Variants in PTPN20 observed in about 807,000 individuals in gnomAD.
PTPN20 encodes the protein protein tyrosine phosphatase non-receptor type 20.
PTPN20 carries 9 observed loss-of-function variants against 35.0 expected under a neutral mutation model. The ratio of observed to expected loss-of-function variants is 0.26; its 90% CI spans 0.15 to 0.45. PTPN20 has a LOEUF of 0.45. PTPN20 is among the 20% of genes least tolerant of loss of function. PTPN20 has a pLI of 1.00. For missense variants in PTPN20, 111 were observed against 312.5 expected, an observed-to-expected ratio of 0.36 and a Z score of 4.86; for synonymous variants, 32 against 100.2, an observed-to-expected ratio of 0.32 and a Z score of 4.06.
intron 9 of PTPN20, among the ~76,000 whole-genome samples, chr10:46,993,932 G>A (rs1324657558): frequency 1.3e-5 from 2 of 152,054 alleles, no homozygotes; most frequent in Non-Finnish European, 2.9e-5. Context: ...GTGGTTTTTT[G>A]TATTTTTTTA....
At chr10:46,993,207 A>T (rs2058340782) in intron 9 of PTPN20, among the ~76,000 whole-genome samples, 2 of 152,294 alleles carry the variant, frequency 1.3e-5, no homozygotes, top group African/African-American at 4.8e-5. Context: ...GGTAGCGATG[A>T]TCCCCTGCCA....
At chr10:46,947,370 T>C (rs1456547352) in intron 5 of PTPN20, among the ~76,000 whole-genome samples, 8 of 150,996 alleles carry the variant, frequency 5.3e-5, no homozygotes, top group African/African-American at 2.0e-4. Context: ...ATGACTTTAT[T>C]TGAAAAATGT....
chr10:46,932,281 T>C, intron 1 of PTPN20, 96 bp from the exon 2 acceptor site: 1 of 1,456,562 alleles, frequency 6.9e-7, no homozygotes. Flanking sequence ...AAAATTGCAG[T>C]TTTAAATATT....
chr10:46,977,289 C>G (rs1190087304), intron 7 of PTPN20, among the ~76,000 whole-genome samples: 47 of 152,378 alleles, frequency 3.1e-4, no homozygotes, highest in Non-Finnish European at 6.5e-4. Context: ...CTTGCCAGTC[C>G]CCACAATCAT....
chr10:46,937,953 T>C (rs1332508034), intron 2 of PTPN20, among the ~76,000 whole-genome samples: 1 of 146,722 alleles, frequency 6.8e-6, no homozygotes, highest in Non-Finnish European at 1.5e-5. Context: ...TTCTTTTCTT[T>C]TTTTTTTTTT....
chr10:46,938,229 G>A (rs1415729276), intron 2 of PTPN20, among the ~76,000 whole-genome samples: 13 of 143,660 alleles, frequency 9.0e-5, no homozygotes, highest in East Asian at 2.2e-4. Context: ...GATTACAGGC[G>A]TGAGCCACCA....
At chr10:47,002,350 G>A (rs2060113372), downstream of PTPN20, 1 of 151,954 alleles carries the variant, frequency 6.6e-6, no homozygotes, top group Admixed American at 6.6e-5. Flanking sequence ...ATTTATCTGG[G>A]CCTTGAAATC....
chr10:46,932,062 T>TTGTGTGTGTGTGTG (rs71023200), intron 1 of PTPN20, among the ~76,000 whole-genome samples: 2 of 133,632 alleles, frequency 1.5e-5, no homozygotes, highest in African/African-American at 6.4e-5. Flanking sequence ...TTGATTGAAT[T>TTGTGTGTGTGTGTG]TGTGTGTGTG....
intron 5 of PTPN20, among the ~76,000 whole-genome samples, chr10:46,953,437 T>C (rs531881245): frequency 7.0e-6 from 1 of 142,722 alleles, no homozygotes; most frequent in South Asian, 2.2e-4. Flanking sequence ...GCTAGGACTT[T>C]TGGTTCAATG....
intron 10 of PTPN20, 89 bp downstream of exon 10, chr10:47,000,063 T>G (rs2059839845): frequency 2.6e-6 from 4 of 1,551,410 alleles, no homozygotes; most frequent in Non-Finnish European, 3.6e-6. Flanking sequence ...GCTCTTTTAT[T>G]GACATAATCT....
At chr10:46,950,895 A>C (rs1373654906) in intron 5 of PTPN20, among the ~76,000 whole-genome samples, 2 of 151,760 alleles carry the variant, frequency 1.3e-5, no homozygotes, top group Non-Finnish European at 2.9e-5. Context: ...TTTAAACTAT[A>C]TTATTATATA....
chr10:46,999,276 A>G (rs1467635633), intron 9 of PTPN20, among the ~76,000 whole-genome samples: 1 of 152,184 alleles, frequency 6.6e-6, no homozygotes, highest in African/African-American at 2.4e-5. Flanking sequence ...CTTGTCCCAC[A>G]TGTGACTCTC....
intron 7 of PTPN20, among the ~76,000 whole-genome samples, chr10:46,975,780 G>A (rs1326612133): frequency 1.3e-5 from 2 of 151,958 alleles, no homozygotes; most frequent in African/African-American, 2.4e-5. Flanking sequence ...TCCTGCCTCA[G>A]CCTCCTGAGT....
intron 1 of PTPN20, among the ~76,000 whole-genome samples, chr10:46,930,713 G>A (rs1425060828): frequency 2.2e-5 from 3 of 134,010 alleles, no homozygotes; most frequent in African/African-American, 9.5e-5. Flanking sequence ...TGCCTTAGCC[G>A]CCCAAGTAGC....
intron 3 of PTPN20, among the ~76,000 whole-genome samples, chr10:46,941,273 T>C (rs2043409405): frequency 2.1e-5 from 3 of 144,774 alleles, no homozygotes; most frequent in African/African-American, 8.2e-5. Flanking sequence ...GTTCATTTCC[T>C]GTAAGTTACA....
chr10:46,941,626 T>C (rs1234262879), intron 3 of PTPN20, among the ~76,000 whole-genome samples: 1 of 147,726 alleles, frequency 6.8e-6, no homozygotes, highest in Non-Finnish European at 1.5e-5. Context: ...TATAGTCTTA[T>C]AGTCTTATTT....
chr10:46,996,852 C>T (rs1022894991), intron 9 of PTPN20, among the ~76,000 whole-genome samples: 22 of 152,210 alleles, frequency 1.4e-4, no homozygotes, highest in African/African-American at 5.3e-4. Context: ...ATCCTTCTGC[C>T]GGTACCACCC....
downstream of PTPN20, among the ~76,000 whole-genome samples, chr10:47,002,815 T>C (rs2060130295): frequency 6.6e-6 from 1 of 152,028 alleles, no homozygotes; most frequent in Non-Finnish European, 1.5e-5. Context: ...GTTAGTAATT[T>C]ATCTTCCTTT....
intron 5 of PTPN20, among the ~76,000 whole-genome samples, chr10:46,949,365 A>C (rs2045986588): frequency 6.6e-6 from 1 of 152,206 alleles, no homozygotes; most frequent in African/African-American, 2.4e-5. Context: ...AGTGCATTAC[A>C]TTTTATGTCT....
Sources: gnomAD v4.1 joint callset for allele counts (sites outside exome capture counted in the v4.1 genomes callset) on GRCh38, gnomAD v4.1.1 for gene constraint, MANE v1.5 for transcripts, NCBI Gene and HGNC (gene_info 2026-07-23, HGNC 2026-07-21) for gene names.